GLE1: variants seen among roughly 807,000 people sequenced by gnomAD.
The protein encoded by GLE1 is GLE1 RNA export mediator, also known as mRNA export factor GLE1.
Under a neutral mutation model 97.3 loss-of-function variants are expected in GLE1, and 78 were observed. The observed-to-expected ratio is 0.80, with a 90% CI of 0.67 to 0.97. GLE1 has a LOEUF of 0.97. GLE1 is among the 50% of genes least tolerant of loss of function. GLE1 has a pLI of 0.00. For synonymous variants in GLE1, 302 were observed against 313.4 expected (o/e 0.96, Z 0.39); for missense variants, 753 against 857.5 (o/e 0.88, Z 1.52).
chr9:128,513,690 T>TA (rs1360264876), intron 2 of GLE1, among the ~76,000 whole-genome samples: 6 of 142,860 alleles, frequency 4.2e-5, no homozygotes, highest in Non-Finnish European at 9.1e-5. Flanking sequence ...GCACGGGTGA[T>TA]AGAGTAAGAC....
intron 1 of GLE1, among the ~76,000 whole-genome samples, chr9:128,505,874 C>G (rs1363287181): frequency 6.6e-6 from 1 of 152,184 alleles, no homozygotes; most frequent in Non-Finnish European, 1.5e-5. Context: ...TGAATCGATA[C>G]CTCTATGACG....
intron 1 of GLE1, among the ~76,000 whole-genome samples, chr9:128,507,963 T>C (rs1846689688): frequency 6.6e-6 from 1 of 152,032 alleles, no homozygotes; most frequent in African/African-American, 2.4e-5. Flanking sequence ...GTGGATCGCC[T>C]GAGGTCAGGA....
chr9:128,536,568 T>C, intron 12 of GLE1, 84 bp downstream of exon 12: 1 of 1,235,240 alleles, frequency 8.1e-7, no homozygotes, highest in Non-Finnish European at 1.2e-6. Flanking sequence ...GTTGGCCTTC[T>C]TTCAGAGAGC....
chr9:128,520,788 C>G (rs572821194), intron 3 of GLE1, among the ~76,000 whole-genome samples: 1 of 151,702 alleles, frequency 6.6e-6, no homozygotes, highest in Admixed American at 6.6e-5. Context: ...GGGTCTCGCT[C>G]CGTTGCTCAG....
chr9:128,517,296 A>G (rs112110031), intron 3 of GLE1, among the ~76,000 whole-genome samples: 1 of 152,146 alleles, frequency 6.6e-6, no homozygotes, highest in East Asian at 1.9e-4. Flanking sequence ...TCTCAAAAAA[A>G]AAAAAGAAAA....
chr9:128,524,525 T>C (rs1300620526), intron 6 of GLE1, among the ~76,000 whole-genome samples: 3 of 148,614 alleles, frequency 2.0e-5, no homozygotes, highest in African/African-American at 7.4e-5. Flanking sequence ...GTACCTGCCC[T>C]GTTTCTTTGC....
intron 3 of GLE1, among the ~76,000 whole-genome samples, chr9:128,520,451 A>AT (rs1847122059): frequency 1.4e-5 from 2 of 145,138 alleles, no homozygotes; most frequent in African/African-American, 5.0e-5. Flanking sequence ...TATATATATA[A>AT]AAAATACAAT....
intron 6 of GLE1, among the ~76,000 whole-genome samples, chr9:128,524,565 T>G (rs1367307019): frequency 7.1e-6 from 1 of 141,458 alleles, no homozygotes; most frequent in Non-Finnish European, 1.5e-5. Flanking sequence ...TTTTTTTTTT[T>G]TTTTGAGACA....
At chr9:128,533,440 A>T in intron 9 of GLE1, 73 bp from the exon 10 acceptor site, 1 of 1,086,980 alleles carries the variant, frequency 9.2e-7, no homozygotes, top group Non-Finnish European at 1.3e-6. Context: ...AAAAAAAAAA[A>T]AAAAAAAAAA....
At chr9:128,537,506 C>T (rs1847753673) in intron 12 of GLE1, among the ~76,000 whole-genome samples, 1 of 119,156 alleles carries the variant, frequency 8.4e-6, no homozygotes, top group South Asian at 3.0e-4. Context: ...TGTACTGAAA[C>T]ATTTAAATAC....
intron 5 of GLE1, 42 bp downstream of exon 5, chr9:128,523,382 T>C (rs1411371071): frequency 6.5e-7 from 1 of 1,549,022 alleles, no homozygotes; most frequent in East Asian, 2.2e-5. Flanking sequence ...TTGGTGTCTG[T>C]CTGTAACCTG....
At position 128,540,478 on chromosome 9, in the gene GLE1, C is replaced by G. The variant is rs55716716; in HGVS notation, c.2028+140C>G. The stretch of plus-strand genomic sequence containing the variant: ...CAAACCCTTCTTTTTGTTCCTAATT[C>G]CCTCTTAACCTTTGGAGTAAGGGCT... On this transcript the variant is annotated intron_variant, in intron 15 of 15. Transcript: ENST00000309971. 1,065 of 697,558 alleles carry G rather than the reference C, an allele frequency of 1.5e-3. 8 individuals are homozygous for G. The African/African-American group carries it at 0.016, about 11-fold the overall frequency. 43.2% of individuals were successfully genotyped at this position (697,558 alleles called of 1,614,324 possible).
At position 128,525,111 on chromosome 9, in the gene GLE1, T is replaced by A; in HGVS notation, c.898-81T>A. 4 of 994,400 alleles carry A rather than the reference T, an allele frequency of 4.0e-6. No individual in the cohort carries two copies. The South Asian group carries it at 5.3e-5, about 13-fold the overall frequency. The allele number at this position is 994,400 out of a possible 1,614,324, so 61.6% of individuals were successfully genotyped here. A position where few individuals can be genotyped will look rare whatever the true frequency, so the allele number is the denominator to read the frequency against. On this transcript the variant is annotated intron_variant, in intron 6 of 15. Transcript: ENST00000309971. The stretch of plus-strand genomic sequence containing the variant: ...TACTCCATTGGTGCAACAATTCCAA[T>A]TGCAGGAAATTTATTGACTTGTATG...
In GLE1 at chr9:128,542,089, T is replaced by C. The variant is rs1847895228; in HGVS notation, c.*919T>C. 6.6e-6 allele frequency: 1 copy of C among 152,168 alleles called. No homozygotes were observed. The highest frequency in any genetic ancestry group is 1.5e-5 in the Non-Finnish European group (1 of 68,040). The allele number at this position is 152,168 out of a possible 1,614,324, so 9.4% of individuals were successfully genotyped here. ...CCAGAGATTGGCTGTTAAAATTTGT[T>C]TTGTGGAAAGACTAATTCTCTTTGA... On this transcript the variant is annotated 3_prime_UTR_variant, in exon 16 of 16. Coordinates refer to ENST00000309971, the MANE Select transcript of GLE1 (RefSeq NM_001003722.2).
intron 2 of GLE1, 50 bp from the exon 3 acceptor site, chr9:128,515,479 C>T (rs1308472778): frequency 6.1e-6 from 6 of 981,240 alleles, no homozygotes; most frequent in East Asian, 2.6e-5. Flanking sequence ...CCAACTTTAC[C>T]ATATTAAAAA....
chr9:128,539,624 G>C lies in GLE1; in HGVS notation c.1890G>C (p.Gly630=), dbSNP rs2132538883. 6.2e-7 allele frequency: 1 copy of C among 1,612,372 alleles called. No homozygotes were observed. Among genetic ancestry groups the C allele is most frequent in the Non-Finnish European group, 8.5e-7 (1 of 1,178,450 alleles). The change falls in exon 14 of 16, where the codon GGG becomes GGC. Residue 630 remains glycine (G), a synonymous_variant. Coordinates refer to ENST00000309971, the MANE Select transcript of GLE1 (RefSeq NM_001003722.2). ...CCTGTCTTTCCCTCTAGGTGTGTGGGAATGCCCTCATGAAGCAATACCAGG... is the reference window on the plus strand; with the variant it reads ...CCTGTCTTTCCCTCTAGGTGTGTGGCAATGCCCTCATGAAGCAATACCAGG... ...TLLFDFLEVC[G]NALMKQYQVQ... is the part of the protein sequence containing the mutation.
At position 128,509,094 on chromosome 9, in the gene GLE1, C is replaced by T; in HGVS notation, c.318C>T (p.Thr106=). 1 of 1,583,528 alleles carries T rather than the reference C, an allele frequency of 6.3e-7. No individual in the cohort carries two copies. The highest frequency in any genetic ancestry group is 8.7e-7 in the Non-Finnish European group (1 of 1,151,996). The change falls in exon 2 of 16, where the codon ACC becomes ACT. Residue 106 remains threonine, a synonymous_variant. Coordinates refer to ENST00000309971, the MANE Select transcript of GLE1 (RefSeq NM_001003722.2). ...CCTCCCCTGCAACACCAAATGGAACCAAGGTAAGGTTGTGATCAGCTTAAG... is the reference window on the plus strand; with the variant it reads ...CCTCCCCTGCAACACCAAATGGAACTAAGGTAAGGTTGTGATCAGCTTAAG... ...SPASPATPNG[T]KGKDESQHTE...
intron 12 of GLE1, among the ~76,000 whole-genome samples, chr9:128,537,453 C>CAAAAA (rs57584433): frequency 9.6e-4 from 42 of 43,864 alleles, no homozygotes; most frequent in African/African-American, 1.5e-3. Flanking sequence ...AACTCTCCCT[C>CAAAAA]AAAAAAAAAA....
At chr9:128,523,518 G>A (rs571287096) in intron 5 of GLE1, 74 bp from the exon 6 acceptor site, 15 of 1,574,334 alleles carry the variant, frequency 9.5e-6, no homozygotes, top group African/African-American at 8.1e-5. Flanking sequence ...TGTAGCCCAC[G>A]TAGAATTTGA....
Sources: allele counts gnomAD v4.1 joint callset (sites outside exome capture counted in the v4.1 genomes callset), GRCh38; gene constraint gnomAD v4.1.1; transcripts MANE v1.5; gene names NCBI Gene and HGNC (gene_info 2026-07-23, HGNC 2026-07-21).